NHS: variants seen among roughly 807,000 people sequenced by gnomAD.
NHS encodes actin remodeling regulator NHS.
In NHS, 5 loss-of-function variants were observed where a neutral mutation model predicts 72.5. That is an observed-to-expected ratio of 0.07 (90% CI 0.04 to 0.14). NHS has a LOEUF of 0.14. NHS is among the 10% of genes least tolerant of loss of function. The probability of loss-of-function intolerance (pLI) is 1.00; values close to 1 mark genes in which losing one functional copy is unlikely to be tolerated. For synonymous variants in NHS, 464 were observed against 547.7 expected (o/e 0.85, Z 2.13); for missense variants, 1,072 against 1,355.7 (o/e 0.79, Z 3.29).
intron 2 of NHS, 83 bp downstream of exon 2, chrX:17,687,977 C>T (rs2066174273): frequency 7.9e-6 from 8 of 1,011,250 alleles, no homozygotes; most frequent in Non-Finnish European, 9.5e-6. Context: ...CCATCAGCCC[C>T]AACACACCCC....
chrX:17,556,971 T>C (rs1272783452), intron 1 of NHS, among the ~76,000 whole-genome samples: 1 of 100,660 alleles, frequency 9.9e-6, no homozygotes, highest in Non-Finnish European at 1.9e-5. Context: ...GCTTAAAACA[T>C]GGATATATAT....
At chrX:17,572,770 G>C (rs1373554705) in intron 1 of NHS, among the ~76,000 whole-genome samples, 1 of 111,204 alleles carries the variant, frequency 9.0e-6, no homozygotes, top group Non-Finnish European at 1.9e-5. Flanking sequence ...TTTCTTCATA[G>C]CGTCAATGGT....
chrX:17,677,523 G>T (rs971658310), intron 1 of NHS, among the ~76,000 whole-genome samples: 4 of 111,157 alleles, frequency 3.6e-5, no homozygotes, highest in African/African-American at 1.3e-4. Context: ...GGTTAGCTGT[G>T]TCTTGATAGC....
At chrX:17,496,446 G>A (rs911236828) in intron 1 of NHS, among the ~76,000 whole-genome samples, 1 of 111,469 alleles carries the variant, frequency 9.0e-6, no homozygotes, top group African/African-American at 3.3e-5. Context: ...TCAGAAGTTT[G>A]TAAAGGTGAG....
Position 17,472,493 on chromosome X carries a change from G to A in NHS, c.565+96171G>A, listed in dbSNP as rs756194719. Among the ~76,000 whole-genome samples the A allele has an allele frequency of 1.9e-4, 21 of 112,377 alleles. No homozygotes were observed. In the South Asian group the frequency reaches 7.8e-3, roughly 42 times the overall value. On this transcript the variant is annotated intron_variant, in intron 1 of 8. Coordinates refer to ENST00000676302, the MANE Select transcript of NHS (RefSeq NM_001291867.2). ...ATCCACAGTGAGAGAATGTGAGAGA[G>A]ACAGAGAGATCTGATTCCCAATATT...
intron 3 of NHS, among the ~76,000 whole-genome samples, chrX:17,695,885 A>C (rs1359957171): frequency 2.9e-5 from 3 of 103,813 alleles, no homozygotes; most frequent in Non-Finnish European, 5.9e-5. Context: ...GTCCTTACTT[A>C]TCAAGGGTGG....
intron 1 of NHS, among the ~76,000 whole-genome samples, chrX:17,602,582 ATCCTAGT>A (rs1275348110): frequency 1.8e-5 from 2 of 111,305 alleles, no homozygotes; most frequent in Non-Finnish European, 3.8e-5. Flanking sequence ...GGAGATAAAT[ATCCTAGT>A]GAGATACCTA....
At chrX:17,615,439 A>G (rs1264031221) in intron 1 of NHS, among the ~76,000 whole-genome samples, 1 of 101,465 alleles carries the variant, frequency 9.9e-6, no homozygotes, top group Non-Finnish European at 2.0e-5. Flanking sequence ...TTTTGTGGAG[A>G]TGAGGTTCCT....
intron 1 of NHS, among the ~76,000 whole-genome samples, chrX:17,474,982 G>A (rs1437313017): frequency 9.0e-6 from 1 of 111,551 alleles, no homozygotes; most frequent in Non-Finnish European, 1.9e-5. Context: ...AGTAGGGTAT[G>A]TGTCTTCTTG....
chrX:17,530,469 T>C (rs952985174), intron 1 of NHS, among the ~76,000 whole-genome samples: 1 of 111,268 alleles, frequency 9.0e-6, no homozygotes, highest in Non-Finnish European at 1.9e-5. Flanking sequence ...AAGGGATGAT[T>C]TGGACCCTTG....
chrX:17,538,919 CT>C (rs2065248146), intron 1 of NHS, among the ~76,000 whole-genome samples: 1 of 112,211 alleles, frequency 8.9e-6, no homozygotes, highest in African/African-American at 3.2e-5. Context: ...AGCCACTGCC[CT>C]TGTCTTTCTG....
At chrX:17,577,060 T>C (rs897516868) in intron 1 of NHS, among the ~76,000 whole-genome samples, 3 of 111,714 alleles carry the variant, frequency 2.7e-5, no homozygotes, top group Non-Finnish European at 5.6e-5. Context: ...CTTCTCCTAA[T>C]CCCCCTGCCA....
At chrX:17,478,141 G>C (rs979880359) in intron 1 of NHS, among the ~76,000 whole-genome samples, 3 of 111,679 alleles carry the variant, frequency 2.7e-5, no homozygotes, top group Non-Finnish European at 5.6e-5. Flanking sequence ...TTAATACCAT[G>C]TCCTTTGGCC....
intron 1 of NHS, among the ~76,000 whole-genome samples, chrX:17,653,403 GTTTTC>G (rs1346217472): frequency 9.2e-6 from 1 of 108,952 alleles, no homozygotes; most frequent in African/African-American, 3.3e-5. Flanking sequence ...AGCCTATGTG[GTTTTC>G]TTTTCTTTTC....
chrX:17,390,990 T>C (rs1207011061), intron 1 of NHS, among the ~76,000 whole-genome samples: 1 of 112,211 alleles, frequency 8.9e-6, no homozygotes, highest in East Asian at 2.8e-4. Flanking sequence ...TTCTGGGTTT[T>C]CTTGATTGAT....
intron 1 of NHS, among the ~76,000 whole-genome samples, chrX:17,392,685 T>C (rs1011132813): frequency 9.8e-5 from 11 of 112,154 alleles, no homozygotes; most frequent in Non-Finnish European, 1.9e-4. Flanking sequence ...CATATATAAG[T>C]GATATAGATT....
intron 3 of NHS, among the ~76,000 whole-genome samples, chrX:17,701,449 G>GAC (rs755852299): frequency 8.1e-5 from 9 of 110,551 alleles, no homozygotes; most frequent in South Asian, 3.8e-4. Flanking sequence ...AACACACACA[G>GAC]ACACACACAC....
chrX:17,617,327 C>T (rs974611491), intron 1 of NHS, among the ~76,000 whole-genome samples: 6 of 112,293 alleles, frequency 5.3e-5, no homozygotes, highest in South Asian at 3.7e-4. Context: ...TCCACAGCAC[C>T]GGGATGCCAT....
At chrX:17,448,666 CCTTTA>C (rs1436605965) in intron 1 of NHS, among the ~76,000 whole-genome samples, 1 of 111,802 alleles carries the variant, frequency 8.9e-6, no homozygotes, top group Non-Finnish European at 1.9e-5. Flanking sequence ...TTTTACACTT[CCTTTA>C]CTTTGATCTC....
Sources: allele counts gnomAD v4.1 joint callset (sites outside exome capture counted in the v4.1 genomes callset), GRCh38; gene constraint gnomAD v4.1.1; transcripts MANE v1.5; gene names NCBI Gene and HGNC (gene_info 2026-07-23, HGNC 2026-07-21).